The following SH3KBP1 variants were observed in gnomAD, a reference collection of about 807,000 sequenced individuals.
SH3KBP1 encodes the protein SH3 domain containing kinase binding protein 1, also known as SH3 domain-containing kinase-binding protein 1.
Under a neutral mutation model 50.1 loss-of-function variants are expected in SH3KBP1, and 8 were observed. The observed-to-expected ratio is 0.16, with a 90% CI of 0.09 to 0.29. SH3KBP1 has a LOEUF of 0.29. SH3KBP1 is among the 10% of genes least tolerant of loss of function. The probability of loss-of-function intolerance (pLI) is 1.00; values close to 1 mark genes in which losing one functional copy is unlikely to be tolerated. For missense variants in SH3KBP1, 377 were observed against 535.2 expected (o/e 0.70, Z 2.92); for synonymous variants, 227 against 218.6 (o/e 1.04, Z -0.34).
intron 3 of SH3KBP1, among the ~76,000 whole-genome samples, chrX:19,712,149 T>G (rs1468968919): frequency 8.9e-6 from 1 of 112,373 alleles, no homozygotes; most frequent in African/African-American, 3.2e-5. Context: ...CCTTCCTAAA[T>G]AGCAGCTCCA....
intron 7 of SH3KBP1, among the ~76,000 whole-genome samples, chrX:19,642,851 T>C (rs1285097491): frequency 9.0e-6 from 1 of 111,357 alleles, no homozygotes; most frequent in Non-Finnish European, 1.9e-5. Context: ...AACTAAATCC[T>C]GATCAGCTGA....
chrX:19,807,399 T>C (rs1365358434), intron 2 of SH3KBP1, among the ~76,000 whole-genome samples: 1 of 111,293 alleles, frequency 9.0e-6, no homozygotes, highest in Non-Finnish European at 1.9e-5. Context: ...CGAGGGAGGA[T>C]CCAACCTTGT....
At chrX:19,855,853 C>T (rs561737065) in intron 1 of SH3KBP1, among the ~76,000 whole-genome samples, 3 of 111,316 alleles carry the variant, frequency 2.7e-5, no homozygotes, top group Non-Finnish European at 3.8e-5. Context: ...AATTGAACTG[C>T]GTGCCAGAAA....
chrX:19,759,507 T>C (rs1340252672), intron 2 of SH3KBP1, among the ~76,000 whole-genome samples: 2 of 112,136 alleles, frequency 1.8e-5, no homozygotes, highest in African/African-American at 6.5e-5. Flanking sequence ...TTTATACACA[T>C]TTATATCCAG....
At chrX:19,821,653 C>A (rs1417688312) in intron 2 of SH3KBP1, among the ~76,000 whole-genome samples, 1 of 110,320 alleles carries the variant, frequency 9.1e-6, no homozygotes, top group Non-Finnish European at 1.9e-5. Context: ...CTCAGCCTCC[C>A]GAGTAGCTGG....
chrX:19,857,093 A>G (rs924994135), intron 1 of SH3KBP1, among the ~76,000 whole-genome samples: 1 of 102,823 alleles, frequency 9.7e-6, no homozygotes, highest in East Asian at 3.0e-4. Flanking sequence ...TGTCCATTTC[A>G]TCCTCTCTCA....
At position 19,536,246 on chromosome X, in the gene SH3KBP1, T is replaced by C; in HGVS notation, c.*171A>G. ...CAGGACTAAACCCTGGGGAAGATTC[T>C]CCTCTTGGATGGAATTTGTGTTGTG... On this transcript the variant is annotated 3_prime_UTR_variant, in exon 18 of 18. Coordinates refer to ENST00000397821, the MANE Select transcript of SH3KBP1 (RefSeq NM_031892.3). 1 of 380,156 alleles carries C rather than the reference T, an allele frequency of 2.6e-6. No homozygotes were observed. The highest frequency in any genetic ancestry group is 2.6e-5 in the African/African-American group (1 of 38,965). 31.3% of individuals were successfully genotyped at this position (380,156 alleles called of 1,213,427 possible).
chrX:19,799,859 T>C (rs1360341877), intron 2 of SH3KBP1: 3 of 979,531 alleles, frequency 3.1e-6, no homozygotes, highest in African/African-American at 4.0e-5. Context: ...ACACTGGTGG[T>C]TTTTTTGTAA....
intron 6 of SH3KBP1, among the ~76,000 whole-genome samples, chrX:19,668,974 A>ATTTTTT (rs1241616577): frequency 1.1e-4 from 7 of 63,872 alleles, no homozygotes; most frequent in Non-Finnish European, 2.1e-4. Context: ...ATATATATAT[A>ATTTTTT]TTTTTTGAGA....
At chrX:19,551,550 C>CTTTTTTTTTTTTTTT (rs397800260) in intron 13 of SH3KBP1, among the ~76,000 whole-genome samples, 1 of 95,171 alleles carries the variant, frequency 1.1e-5, no homozygotes, top group African/African-American at 4.3e-5. Flanking sequence ...CTCCCTCCCT[C>CTTTTTTTTTTTTTTT]TTTTTTTTTT....
At chrX:19,783,273 T>C (rs1012056329) in intron 2 of SH3KBP1, among the ~76,000 whole-genome samples, 1 of 112,283 alleles carries the variant, frequency 8.9e-6, no homozygotes, top group African/African-American at 3.2e-5. Flanking sequence ...TTTTGTTTAA[T>C]TGACACATAA....
intron 6 of SH3KBP1, chrX:19,670,989 TG>T (rs1441367083): frequency 9.3e-7 from 1 of 1,076,940 alleles, no homozygotes; most frequent in Non-Finnish European, 1.2e-6. Context: ...GAGTCATACT[TG>T]GGACCAAATG....
At chrX:19,682,946 A>G (rs1443307751) in intron 6 of SH3KBP1, among the ~76,000 whole-genome samples, 1 of 110,217 alleles carries the variant, frequency 9.1e-6, no homozygotes, top group East Asian at 2.8e-4. Context: ...AAAGCCACCC[A>G]TAAACCTGAA....
intron 6 of SH3KBP1, among the ~76,000 whole-genome samples, chrX:19,662,250 A>T (rs1025706175): frequency 2.7e-5 from 3 of 111,991 alleles, no homozygotes; most frequent in Non-Finnish European, 5.6e-5. Flanking sequence ...CTAGTAGATG[A>T]CGTAATTTCC....
At chrX:19,777,957 G>A (rs2147095571) in intron 2 of SH3KBP1, among the ~76,000 whole-genome samples, 1 of 111,165 alleles carries the variant, frequency 9.0e-6, no homozygotes, top group Admixed American at 9.5e-5. Flanking sequence ...AAAAGGTTGA[G>A]GCTACAGGAG....
chrX:19,673,065 CAAAAAAAAA>C (rs1174045446), intron 6 of SH3KBP1, among the ~76,000 whole-genome samples: 1 of 37,338 alleles, frequency 2.7e-5, no homozygotes, highest in Non-Finnish European at 5.1e-5. Context: ...GATTCTGTCT[CAAAAAAAAA>C]AAAAAAAAAA....
chrX:19,691,295 G>A (rs1005755056), intron 5 of SH3KBP1, among the ~76,000 whole-genome samples: 7 of 101,781 alleles, frequency 6.9e-5, no homozygotes, highest in East Asian at 3.1e-4. Flanking sequence ...ACTCTCGCAC[G>A]CACGCACGCA....
chrX:19,635,959 T>C (rs1490876695), intron 7 of SH3KBP1, among the ~76,000 whole-genome samples: 1 of 111,925 alleles, frequency 8.9e-6, no homozygotes, highest in Non-Finnish European at 1.9e-5. Flanking sequence ...TTGATATGTC[T>C]TAAAAGAAGG....
Position 19,773,271 on chromosome X carries a change from C to T in SH3KBP1, c.163-26830G>A, listed in dbSNP as rs372564093. The stretch of plus-strand genomic sequence containing the variant: ...TTCCTTTGTCCTAGATCACAACTTG[C>T]TCTTTGGAATTGTACCTCACTTCAA... On this transcript the variant is annotated intron_variant, in intron 2 of 17. Coordinates refer to ENST00000397821, the MANE Select transcript of SH3KBP1 (RefSeq NM_031892.3). Among the ~76,000 whole-genome samples, 20 of 111,453 alleles carry T rather than the reference C, an allele frequency of 1.8e-4. No individual in the cohort carries two copies. In the East Asian group the frequency reaches 3.9e-3, roughly 22 times the overall value.
Sources: gnomAD v4.1 joint callset for allele counts (sites outside exome capture counted in the v4.1 genomes callset) on GRCh38, gnomAD v4.1.1 for gene constraint, MANE v1.5 for transcripts, NCBI Gene and HGNC (gene_info 2026-07-23, HGNC 2026-07-21) for gene names.